PCDHA5: variants seen among roughly 807,000 people sequenced by gnomAD.
PCDHA5 encodes the protein protocadherin alpha 5.
Under a neutral mutation model 61.6 loss-of-function variants are expected in PCDHA5, and 43 were observed. The ratio of observed to expected loss-of-function variants is 0.70; its 90% CI spans 0.55 to 0.90. The LOEUF (loss-of-function observed/expected upper bound fraction) is 0.90, where lower values mean the gene tolerates loss of function less well. Among genes scored for constraint, PCDHA5 ranks in the 40% least tolerant of loss-of-function variants. PCDHA5 has a pLI of 0.00. For missense variants in PCDHA5, 1,298 were observed against 1,222.7 expected, an observed-to-expected ratio of 1.06 and a Z score of -0.92; for synonymous variants, 627 against 543.9, an observed-to-expected ratio of 1.15 and a Z score of -2.13.
chr5:140,877,700 G>A, intron 1 of PCDHA5: 1 of 1,613,996 alleles, frequency 6.2e-7, no homozygotes, highest in Non-Finnish European at 8.5e-7. Flanking sequence ...GTGTGCTCCA[G>A]CGCCGTGGGG....
intron 1 of PCDHA5, among the ~76,000 whole-genome samples, chr5:140,921,258 G>C (rs537231615): frequency 6.6e-6 from 1 of 151,824 alleles, no homozygotes; most frequent in South Asian, 2.1e-4. Flanking sequence ...AAAAGTCCTA[G>C]ACTTTTATAC....
intron 1 of PCDHA5, among the ~76,000 whole-genome samples, chr5:140,872,145 G>A (rs2053502547): frequency 6.6e-6 from 1 of 151,676 alleles, no homozygotes; most frequent in Non-Finnish European, 1.5e-5. Context: ...TACTCCATTA[G>A]TATGACATGA....
rs1200077477 is a variant in PCDHA5, at chr5:140,898,429, C to T, written c.2352+74302C>T. 2.1e-3 allele frequency among the ~76,000 whole-genome samples: 312 copies of T among 150,132 alleles called. 2 individuals are homozygous for T. Among genetic ancestry groups the T allele is most frequent in the African/African-American group, 7.3e-3 (294 of 40,066 alleles). On this transcript the variant is annotated intron_variant, in intron 1 of 3. Coordinates refer to ENST00000529859, the MANE Select transcript of PCDHA5 (RefSeq NM_018908.3). ...ATACGGCTAGCCAGTTTTCCCAGCACCATTTATTAAATAGGGAATCCTTTC... is the reference window on the plus strand; with the variant it reads ...ATACGGCTAGCCAGTTTTCCCAGCATCATTTATTAAATAGGGAATCCTTTC...
intron 1 of PCDHA5, chr5:140,841,406 G>A: frequency 6.2e-7 from 1 of 1,613,082 alleles, no homozygotes; most frequent in Non-Finnish European, 8.5e-7. Context: ...GGTGGGGAGC[G>A]GCCAGCTCCA....
At chr5:140,893,381 A>G (rs755671273) in intron 1 of PCDHA5, among the ~76,000 whole-genome samples, 11 of 152,190 alleles carry the variant, frequency 7.2e-5, no homozygotes, top group Non-Finnish European at 1.6e-4. Context: ...TTTATGGGAC[A>G]GTGGCTCATG....
chr5:140,849,790 C>A (rs2150450402), intron 1 of PCDHA5: 2 of 1,598,236 alleles, frequency 1.3e-6, no homozygotes, highest in Admixed American at 3.4e-5. Context: ...GACGGGGGCT[C>A]GCCTTCACTG....
At chr5:140,950,159 T>C (rs983239055) in intron 1 of PCDHA5, among the ~76,000 whole-genome samples, 3 of 151,972 alleles carry the variant, frequency 2.0e-5, no homozygotes, top group Non-Finnish European at 4.4e-5. Flanking sequence ...AAGCAGTTAT[T>C]ATGTACTTTA....
intron 1 of PCDHA5, among the ~76,000 whole-genome samples, chr5:140,837,511 G>C: frequency 1.0e-5 from 1 of 96,668 alleles, no homozygotes; most frequent in Non-Finnish European, 2.1e-5. Context: ...TTCTGAAGCA[G>C]TTTACTTTTT....
chr5:140,858,503 T>C, intron 1 of PCDHA5: 1 of 1,458,120 alleles, frequency 6.9e-7, no homozygotes. Flanking sequence ...CCGCATTTTC[T>C]CAAATATGTA....
At chr5:140,906,124 G>A (rs1399975318) in intron 1 of PCDHA5, among the ~76,000 whole-genome samples, 2 of 151,992 alleles carry the variant, frequency 1.3e-5, no homozygotes, top group Non-Finnish European at 2.9e-5. Flanking sequence ...TGACACAAAT[G>A]TTAGTCTCCT....
intron 1 of PCDHA5, chr5:140,871,041 T>G (rs782091626): frequency 6.2e-7 from 1 of 1,613,310 alleles, no homozygotes; most frequent in South Asian, 1.1e-5. Flanking sequence ...GCCACCGACT[T>G]CTAGTACTGG....
chr5:140,968,476 G>A (rs1295691287), intron 1 of PCDHA5: 1 of 1,613,974 alleles, frequency 6.2e-7, no homozygotes, highest in East Asian at 2.2e-5. Flanking sequence ...TATATGTGGT[G>A]GACATGAATG....
intron 1 of PCDHA5, among the ~76,000 whole-genome samples, chr5:140,846,739 C>A (rs1314749505): frequency 8.0e-5 from 12 of 149,210 alleles, no homozygotes; most frequent in Non-Finnish European, 6.0e-5. Context: ...TTAAATAGGA[C>A]CCTTACAGAT....
chr5:140,852,375 T>A lies in PCDHA5; in HGVS notation c.2352+28248T>A, dbSNP rs2042313801. ...TCACTGCAACGTCTGCCTCCTGGGTTCAAGCAATTCTCCTGCCTCAGCCTC... is the reference window on the plus strand; with the variant it reads ...TCACTGCAACGTCTGCCTCCTGGGTACAAGCAATTCTCCTGCCTCAGCCTC... On this transcript the variant is annotated intron_variant, in intron 1 of 3. Transcript: ENST00000529859. 1.0e-5 allele frequency: 2 copies of A among 192,516 alleles called. 1 individual carries two copies. The highest frequency in any genetic ancestry group is 1.3e-4 in the Admixed American group (2 of 14,898). The allele number at this position is 192,516 out of a possible 1,614,324, so 11.9% of individuals were successfully genotyped here. A position where few individuals can be genotyped will look rare whatever the true frequency, so the allele number is the denominator to read the frequency against.
At chr5:140,888,673 A>T (rs571585641) in intron 1 of PCDHA5, among the ~76,000 whole-genome samples, 1 of 152,298 alleles carries the variant, frequency 6.6e-6, no homozygotes, top group Admixed American at 6.5e-5. Context: ...TGCCCTGTGC[A>T]TTAAGAGGTC....
rs1387280043 is a variant in PCDHA5, at chr5:140,824,026, C to A, written c.2251C>A (p.Gln751Lys). The change falls in exon 1 of 4, where the codon CAG (glutamine) becomes AAG (lysine). Residue 751 changes from glutamine (Q) to lysine (K), a missense_variant. By Grantham distance (53) the Gln-to-Lys change is moderately conservative. Transcript: ENST00000529859. ...SSAVGSWSYS[Q>K]QRRQRVCSGE... ...CGCGGTGGGGAGCTGGTCGTACTCG[C>A]AGCAGAGGAGACAGAGGGTGTGCTC... The A allele has an allele frequency of 1.2e-5, 19 of 1,614,028 alleles. No homozygotes were observed. Among genetic ancestry groups the A allele is most frequent in the Non-Finnish European group, 1.5e-5 (18 of 1,180,028 alleles).
intron 1 of PCDHA5, chr5:140,869,731 T>C (rs1554163388): frequency 6.2e-7 from 1 of 1,613,416 alleles, no homozygotes. Flanking sequence ...GGAACTTAAT[T>C]TGCTGCTAAC....
intron 1 of PCDHA5, among the ~76,000 whole-genome samples, chr5:140,889,158 T>A (rs2062123549): frequency 6.6e-6 from 1 of 151,892 alleles, no homozygotes; most frequent in Non-Finnish European, 1.5e-5. Context: ...TCTTCTTTGT[T>A]AAGTATTCAA....
At chr5:140,941,666 C>G (rs1029878263) in intron 1 of PCDHA5, among the ~76,000 whole-genome samples, 4 of 152,004 alleles carry the variant, frequency 2.6e-5, no homozygotes, top group Non-Finnish European at 4.4e-5. Context: ...AATTTTATGT[C>G]AAGTTCAATA....
Sources: gnomAD v4.1 joint callset for allele counts (sites outside exome capture counted in the v4.1 genomes callset) on GRCh38, gnomAD v4.1.1 for gene constraint, MANE v1.5 for transcripts, NCBI Gene and HGNC (gene_info 2026-07-23, HGNC 2026-07-21) for gene names.